Variants in PAX6 observed in about 807,000 individuals in gnomAD.
PAX6 encodes paired box 6.
In PAX6, 7 loss-of-function variants were observed where a neutral mutation model predicts 60.7. The ratio of observed to expected loss-of-function variants is 0.12; its 90% CI spans 0.07 to 0.22. PAX6 has a LOEUF of 0.22. PAX6 is among the 10% of genes least tolerant of loss of function. The pLI, the probability that PAX6 is intolerant of heterozygous loss-of-function variation, is 1.00. For missense variants in PAX6, 355 were observed against 555.2 expected (o/e 0.64, Z 3.62); for synonymous variants, 208 against 201.2 (o/e 1.03, Z -0.29).
upstream of PAX6, among the ~76,000 whole-genome samples, chr11:31,813,904 C>T (rs1172758649): frequency 6.6e-6 from 1 of 152,124 alleles, no homozygotes; most frequent in Non-Finnish European, 1.5e-5. Flanking sequence ...CTGCCAAGTA[C>T]CGGCTCTGGG....
chr11:31,815,967 G>T (rs1189860840), upstream of PAX6, among the ~76,000 whole-genome samples: 1 of 152,140 alleles, frequency 6.6e-6, no homozygotes, highest in East Asian at 1.9e-4. Context: ...TTCTCAGCCC[G>T]CGCGGCCCGA....
chr11:31,800,397 A>C (rs780955099), intron 8 of PAX6: 7 of 536,224 alleles, frequency 1.3e-5, no homozygotes, highest in Non-Finnish European at 2.0e-5. Context: ...TGAATAGTGC[A>C]CCACGCAGCT....
At chr11:31,811,540 G>A (rs1249535604), upstream of PAX6, 1 of 254,386 alleles carries the variant, frequency 3.9e-6, no homozygotes, top group Non-Finnish European at 7.5e-6. Flanking sequence ...GCATCTCCCC[G>A]CTCCGCGCAC....
At chr11:31,817,916 G>A (rs1353629430) in exon 1 of PAX6, 3 of 152,704 alleles carry the variant, frequency 2.0e-5, no homozygotes, top group South Asian at 2.1e-4. Flanking sequence ...CGTTCTACGC[G>A]AGGACCTGCC....
At chr11:31,798,002 G>C (rs1008797939) in intron 8 of PAX6, among the ~76,000 whole-genome samples, 6 of 151,906 alleles carry the variant, frequency 3.9e-5, no homozygotes, top group Non-Finnish European at 8.8e-5. Flanking sequence ...GAGAGAGAGA[G>C]AGAGACAGAG....
rs1950964845 is a variant in PAX6 at position 31,794,653 on chromosome 11, T to C, written c.701A>G (p.Glu234Gly). 2.5e-6 allele frequency: 4 copies of C among 1,614,224 alleles called. No individual in the cohort carries two copies. The highest frequency in any genetic ancestry group is 3.4e-6 in the Non-Finnish European group (4 of 1,180,040). Residue 234 changes from glutamate (E) to glycine (G), a missense_variant, in exon 9 of 14, where the codon GAG becomes GGG. By Grantham distance (98) the Glu-to-Gly change is moderately conservative. This residue lies in a region of PAX6 where 143 missense variants were observed against 183.6 expected (regional missense o/e 0.78). Coordinates refer to ENST00000640368, the MANE Select transcript of PAX6 (RefSeq NM_001368894.2). ...ACCTTTCTCCAGGGCCTCAATTTGC[T>C]CTTGGGTAAAGGATGTTCTATTTCT... ...LQRNRTSFTQ[E>G]QIEALEKEFE...
chr11:31,806,726 A>G lies in PAX6; in HGVS notation c.-52+123T>C, dbSNP rs56281044. 7,283 of 407,916 alleles carry G rather than the reference A, an allele frequency of 0.018. 104 individuals are homozygous for G. The highest frequency in any genetic ancestry group is 0.059 in the South Asian group (832 of 14,006). The allele number at this position is 407,916 out of a possible 1,614,324, so 25.3% of individuals were successfully genotyped here. ...TTTAGCAGTTAACCCTTTAATCAGT[A>G]GAAGCGATGCCCCAATTTTGATTTA... On this transcript the variant is annotated intron_variant, in intron 3 of 13. Coordinates refer to ENST00000640368, the MANE Select transcript of PAX6 (RefSeq NM_001368894.2).
At chr11:31,813,203 C>G (rs1180890063), upstream of PAX6, 4 of 152,048 alleles carry the variant, frequency 2.6e-5, no homozygotes, top group Non-Finnish European at 4.4e-5. Flanking sequence ...GCCTCCTGGG[C>G]GAGGTTTCAT....
Position 31,794,829 on chromosome 11 carries a change from A to C in PAX6, c.566-41T>G, listed in dbSNP as rs1027730301. The stretch of plus-strand genomic sequence containing the variant: ...TAGGATGGTAAGAGAAATTTGGATT[A>C]ACTTGGAGCCTCCAAAAGGGGCCTG... On this transcript the variant is annotated intron_variant, in intron 8 of 13. Coordinates refer to ENST00000640368, the MANE Select transcript of PAX6 (RefSeq NM_001368894.2). The C allele has an allele frequency of 1.4e-5, 22 of 1,605,822 alleles. No homozygotes were observed. The highest frequency in any genetic ancestry group is 1.7e-5 in the Admixed American group (1 of 59,998).
chr11:31,811,489 C>T (rs991359958), upstream of PAX6: 5 of 324,348 alleles, frequency 1.5e-5, no homozygotes, highest in African/African-American at 8.5e-5. Context: ...GGCTCCTCTC[C>T]CCGGCGCAGG....
At position 31,790,867 on chromosome 11, in the gene PAX6, G is replaced by A; in HGVS notation, c.1075-7C>T. The A allele has an allele frequency of 1.9e-6, 3 of 1,613,770 alleles. No homozygotes were observed. The highest frequency in any genetic ancestry group is 2.5e-6 in the Non-Finnish European group (3 of 1,179,876). The stretch of plus-strand genomic sequence containing the variant: ...TCTGGCTGGGGACTGGGGGCTGTGA[G>A]GAGAGAGGCAAACCTGTGGTTACTG... On this transcript the variant is annotated splice_region_variant and splice_polypyrimidine_tract_variant and intron_variant, in intron 12 of 13. Coordinates refer to ENST00000640368, the MANE Select transcript of PAX6 (RefSeq NM_001368894.2).
upstream of PAX6, among the ~76,000 whole-genome samples, chr11:31,815,597 G>A (rs907502103): frequency 1.3e-5 from 2 of 151,980 alleles, no homozygotes; most frequent in Non-Finnish European, 2.9e-5. Flanking sequence ...GCATCCTGAC[G>A]GGCTTTTAAA....
intron 8 of PAX6, 99 bp downstream of exon 8, chr11:31,800,592 C>T (rs939459182): frequency 7.1e-7 from 1 of 1,410,756 alleles, no homozygotes; most frequent in Non-Finnish European, 1.0e-6. Context: ...ATGACATTCC[C>T]CAAGCATGGA....
Position 31,802,829 on chromosome 11 carries a change from T to C in PAX6, c.16A>G (p.Ser6Gly). The change falls in exon 5 of 14, where the codon AGC (serine) becomes GGC (glycine). Residue 6 changes from serine (S) to glycine (G), a missense_variant. By Grantham distance (56) the Ser-to-Gly change is moderately conservative. Around this residue, in one of 5 missense-constraint regions of PAX6, gnomAD observed 41 missense variants for 77.1 expected, o/e 0.53. Transcript: ENST00000640368. ...ACACCACCGAGCTGATTCACTCCGC[T>C]GTGACCTGAGGAAAGGGAGAGGAGA... MQNSH[S>G]GVNQLGGVFV... 1 of 1,613,176 alleles carries C rather than the reference T, an allele frequency of 6.2e-7. No homozygotes were observed. Among genetic ancestry groups the C allele is most frequent in the Non-Finnish European group, 8.5e-7 (1 of 1,179,874 alleles).
At chr11:31,811,604 A>G (rs1957025973), upstream of PAX6, 1 of 178,000 alleles carries the variant, frequency 5.6e-6, no homozygotes, top group Non-Finnish European at 1.2e-5. Flanking sequence ...GGTCAAGTGA[A>G]GGTTTCTGGG....
intron 12 of PAX6, chr11:31,791,138 T>A: frequency 2.0e-6 from 1 of 505,948 alleles, no homozygotes; most frequent in Non-Finnish European, 3.6e-6. Context: ...CATAAATTAA[T>A]AGGATTTTTG....
intron 1 of PAX6, chr11:31,816,360 A>T (rs147273347): frequency 1.8e-6 from 1 of 564,384 alleles, no homozygotes; most frequent in Non-Finnish European, 3.1e-6. Flanking sequence ...CCGATCACGA[A>T]GGGCACGGGC....
At chr11:31,794,153 T>C in intron 9 of PAX6, 39 bp from the exon 10 acceptor site, 1 of 1,346,936 alleles carries the variant, frequency 7.4e-7, no homozygotes, top group Non-Finnish European at 1.1e-6. Context: ...GTGCCAGAAC[T>C]ACACAAAATA....
At chr11:31,816,941 C>G (rs761069603) in intron 1 of PAX6, among the ~76,000 whole-genome samples, 3 of 152,240 alleles carry the variant, frequency 2.0e-5, no homozygotes, top group Non-Finnish European at 4.4e-5. Flanking sequence ...CCAGGACTTT[C>G]GCCCGGCTGA....
Sources: allele counts gnomAD v4.1 joint callset (sites outside exome capture counted in the v4.1 genomes callset), GRCh38; gene constraint gnomAD v4.1.1; regional missense constraint gnomAD v4.1.1; transcripts MANE v1.5; gene names NCBI Gene and HGNC (gene_info 2026-07-23, HGNC 2026-07-21).